Variants in ZNF280B observed in about 807,000 individuals in gnomAD.
ZNF280B encodes the protein zinc finger protein 280B, also known as suppressor of hairy wing homolog 2.
Under a neutral mutation model 38.0 loss-of-function variants are expected in ZNF280B, and 16 were observed. The ratio of observed to expected loss-of-function variants is 0.42; its 90% confidence interval spans 0.28 to 0.64. ZNF280B has a LOEUF of 0.64. Ranked by LOEUF, ZNF280B falls within the 30% of genes least tolerant of loss-of-function variation. The pLI, the probability that ZNF280B is intolerant of heterozygous loss-of-function variation, is 0.21. For missense variants in ZNF280B, 581 were observed against 639.6 expected, an observed-to-expected ratio of 0.91 and a Z score of 0.99; for synonymous variants, 253 against 230.6, an observed-to-expected ratio of 1.10 and a Z score of -0.88.
rs1352426896 is a variant in ZNF280B, at chr22:22,485,233, A to G, written c.*2534T>C. 6.6e-6 allele frequency: 1 copy of G among 151,986 alleles called. No individual in the cohort carries two copies. The highest frequency in any genetic ancestry group is 1.5e-5 in the Non-Finnish European group (1 of 68,026). The allele number at this position is 151,986 out of a possible 1,614,324, so 9.4% of individuals were successfully genotyped here. A position where few individuals can be genotyped will look rare whatever the true frequency, so the allele number is the denominator to read the frequency against. ...AATGAGACTGCAAACAACAGTGTTGATAATACCAACCAATCACTCAACATA... is the reference window on the plus strand; with the variant it reads ...AATGAGACTGCAAACAACAGTGTTGGTAATACCAACCAATCACTCAACATA... On this transcript the variant is annotated 3_prime_UTR_variant, in exon 4 of 4. Transcript: ENST00000626650.
intron 2 of ZNF280B, among the ~76,000 whole-genome samples, chr22:22,494,959 C>T (rs1377226429): frequency 6.6e-6 from 1 of 151,976 alleles, no homozygotes; most frequent in Admixed American, 6.6e-5. Context: ...AACTCCTGAC[C>T]TTGTGATCTG....
At chr22:22,495,308 T>C (rs2061672458) in intron 2 of ZNF280B, among the ~76,000 whole-genome samples, 1 of 151,992 alleles carries the variant, frequency 6.6e-6, no homozygotes, top group South Asian at 2.1e-4. Flanking sequence ...ATAACCTTTT[T>C]CCATTAATGA....
chr22:22,507,554 CT>C (rs361803), intron 2 of ZNF280B, among the ~76,000 whole-genome samples: 17,632 of 145,160 alleles, frequency 0.12, 1,185 homozygotes, highest in South Asian at 0.3. Flanking sequence ...CCCTGATGCT[CT>C]TTTTTTTTTT....
intron 2 of ZNF280B, among the ~76,000 whole-genome samples, chr22:22,499,758 C>T (rs773548277): frequency 1.3e-4 from 20 of 152,112 alleles, no homozygotes; most frequent in Non-Finnish European, 2.2e-4. Context: ...ACTGAAAGTA[C>T]CCCTGCCCCT....
chr22:22,491,905 C>A (rs1320245857), intron 3 of ZNF280B, among the ~76,000 whole-genome samples: 7 of 151,936 alleles, frequency 4.6e-5, no homozygotes, highest in Non-Finnish European at 4.4e-5. Context: ...TCATAACTCA[C>A]CAATTTCTAA....
Position 22,487,890 on chromosome 22 carries a change from A to T in ZNF280B, c.1509T>A (p.Ile503=). 1 of 1,613,796 alleles carries T rather than the reference A, an allele frequency of 6.2e-7. No individual in the cohort carries two copies. The highest frequency in any genetic ancestry group is 8.5e-7 in the Non-Finnish European group (1 of 1,179,942). Residue 503 remains isoleucine, a synonymous_variant, in exon 4 of 4, where the codon ATT becomes ATA. Coordinates refer to ENST00000626650, the MANE Select transcript of ZNF280B (RefSeq NM_080764.4). ...EGLPPETKVT[I]QVSLEPLQPG... Reference sequence around the variant, plus strand: ...GCTGAAGAGGTTCCAGCGACACTTGAATAGTAACTTTTGTTTCAGGAGGTA... The same window carrying T: ...GCTGAAGAGGTTCCAGCGACACTTGTATAGTAACTTTTGTTTCAGGAGGTA...
chr22:22,489,390 T>C lies in ZNF280B; in HGVS notation c.9A>G (p.Gln3=), dbSNP rs772964181. The C allele has an allele frequency of 6.9e-6, 11 of 1,583,668 alleles. No homozygotes were observed. The highest frequency in any genetic ancestry group is 2.2e-5 in the East Asian group (1 of 44,592). Residue 3 remains glutamine, a synonymous_variant, in exon 4 of 4, where the codon CAA becomes CAG. Coordinates refer to ENST00000626650, the MANE Select transcript of ZNF280B (RefSeq NM_080764.4). The part of the protein sequence containing the change: ME[Q]SCEEEKEPEP... ...CAGGCTCTTTCTCTTCCTCACATGA[T>C]TGTTCCATTTTCTAATTTTTTTATT...
intron 1 of ZNF280B, 23 bp from the exon 2 acceptor site, chr22:22,507,893 ATTAG>A (rs2061971800): frequency 6.6e-6 from 1 of 152,058 alleles, no homozygotes; most frequent in Admixed American, 6.6e-5. Context: ...AGAGAGAAGC[ATTAG>A]TTACTTACAT....
At chr22:22,504,464 TTAAC>T (rs936163954) in intron 2 of ZNF280B, among the ~76,000 whole-genome samples, 1 of 150,498 alleles carries the variant, frequency 6.6e-6, no homozygotes, top group African/African-American at 2.4e-5. Context: ...TGTGCCCACA[TTAAC>T]TAGGTGTTAA....
chr22:22,507,539 A>C (rs578028405), intron 2 of ZNF280B, among the ~76,000 whole-genome samples: 2 of 149,982 alleles, frequency 1.3e-5, no homozygotes, highest in Admixed American at 1.3e-4. Context: ...TATATAACTT[A>C]ACATCCCTGA....
intron 2 of ZNF280B, among the ~76,000 whole-genome samples, chr22:22,497,090 T>C (rs150675470): frequency 6.6e-6 from 1 of 150,716 alleles, no homozygotes; most frequent in African/African-American, 2.4e-5. Context: ...AGTACTGGAA[T>C]TACAGGCGTG....
rs2061519548 is a variant in ZNF280B, at chr22:22,487,606, A to T, written c.*161T>A. 3.5e-6 allele frequency: 2 copies of T among 569,396 alleles called. No individual in the cohort carries two copies. Among genetic ancestry groups the T allele is most frequent in the Non-Finnish European group, 5.8e-6 (2 of 345,524 alleles). 35.3% of individuals were successfully genotyped at this position (569,396 alleles called of 1,614,324 possible). A position where few individuals can be genotyped will look rare whatever the true frequency, so the allele number is the denominator to read the frequency against. Reference sequence around the variant, plus strand: ...TTTAAAATAATACCTCAAAATTCAGATCAAATAATATATATCCTGAATCTT... The same window carrying T: ...TTTAAAATAATACCTCAAAATTCAGTTCAAATAATATATATCCTGAATCTT... On this transcript the variant is annotated 3_prime_UTR_variant, in exon 4 of 4. Coordinates refer to ENST00000626650, the MANE Select transcript of ZNF280B (RefSeq NM_080764.4).
chr22:22,501,057 A>T (rs1037488831), intron 2 of ZNF280B, among the ~76,000 whole-genome samples: 1 of 148,568 alleles, frequency 6.7e-6, no homozygotes, highest in Non-Finnish European at 1.5e-5. Context: ...AACCAAAAAA[A>T]CAAAAAACAG....
At position 22,487,700 on chromosome 22, in the gene ZNF280B, A is replaced by C; in HGVS notation, c.*67T>G. The C allele has an allele frequency of 5.1e-6, 7 of 1,379,768 alleles. No homozygotes were observed. In the South Asian group the frequency reaches 1.0e-4, roughly 20 times the overall value. The allele number at this position is 1,379,768 out of a possible 1,614,324, so 85.5% of individuals were successfully genotyped here. ...TGCTACTGAATAATGTATGGTTTGTATTTTTTGTTTTATGAGGTTTTTTAA... is the reference window on the plus strand; with the variant it reads ...TGCTACTGAATAATGTATGGTTTGTCTTTTTTGTTTTATGAGGTTTTTTAA... On this transcript the variant is annotated 3_prime_UTR_variant, in exon 4 of 4. Transcript: ENST00000626650.
chr22:22,494,467 G>A (rs945501389), intron 2 of ZNF280B, among the ~76,000 whole-genome samples: 3 of 151,894 alleles, frequency 2.0e-5, no homozygotes, highest in Admixed American at 2.0e-4. Flanking sequence ...TAGATGTCCA[G>A]AGACCCTTCT....
Position 22,488,728 on chromosome 22 carries a change from G to A in ZNF280B, c.671C>T (p.Thr224Ile), listed in dbSNP as rs1262767063. Residue 224 changes from threonine to isoleucine, a missense_variant, in exon 4 of 4, where the codon ACC becomes ATC. By Grantham distance (89) the Thr-to-Ile change is moderately conservative. Coordinates refer to ENST00000626650, the MANE Select transcript of ZNF280B (RefSeq NM_080764.4). ...TCCATTCTGAACATGGCTTAATGAG[G>A]TATGAACATTATTTGAGGGTGTACT... ...QQSTPSNNVHTSLSHVQNGAP... is the reference protein window; with the variant it reads ...QQSTPSNNVHISLSHVQNGAP... 1.9e-5 allele frequency: 31 copies of A among 1,613,684 alleles called. No individual in the cohort carries two copies. The Admixed American group carries it at 5.2e-4, about 27-fold the overall frequency.
rs140438379 is a variant in ZNF280B, at chr22:22,504,352, G to A, written c.-187+3458C>T. ...GGAGGCAGGAGAATTGCTTGAACCC[G>A]GGAGGCAGAGGTTGCAGTGAGCTGA... On this transcript the variant is annotated intron_variant, in intron 2 of 3. Transcript: ENST00000626650. 4.8e-3 allele frequency among the ~76,000 whole-genome samples: 735 copies of A among 151,656 alleles called. 5 individuals carry two copies. The highest frequency in any genetic ancestry group is 0.017 in the African/African-American group (702 of 41,364).
Position 22,508,726 on chromosome 22 carries a change from C to G in ZNF280B, c.-315G>C, listed in dbSNP as rs549591361. The G allele has an allele frequency of 6.6e-6, 1 of 151,930 alleles. No individual in the cohort carries two copies. The highest frequency in any genetic ancestry group is 1.5e-5 in the Non-Finnish European group (1 of 68,040). 9.4% of individuals were successfully genotyped at this position (151,930 alleles called of 1,614,324 possible). A position where few individuals can be genotyped will look rare whatever the true frequency, so the allele number is the denominator to read the frequency against. ...CAGCCCCGGAGGCGCTCCCGGGGCA[C>G]AGCCGGCGGCGACTACGCCTCCTCA... On this transcript the variant is annotated 5_prime_UTR_variant, in exon 1 of 4. Coordinates refer to ENST00000626650, the MANE Select transcript of ZNF280B (RefSeq NM_080764.4).
chr22:22,500,093 A>G (rs1369351713), intron 2 of ZNF280B, among the ~76,000 whole-genome samples: 1 of 151,978 alleles, frequency 6.6e-6, no homozygotes, highest in Non-Finnish European at 1.5e-5. Context: ...TTAAAAAACA[A>G]ACATTGTTGG....
Sources: gnomAD v4.1 joint callset for allele counts (sites outside exome capture counted in the v4.1 genomes callset) on GRCh38, gnomAD v4.1.1 for gene constraint, MANE v1.5 for transcripts, NCBI Gene and HGNC (gene_info 2026-07-23, HGNC 2026-07-21) for gene names.